FAM107B: variants seen among roughly 807,000 people sequenced by gnomAD.
FAM107B encodes the protein protein FAM107B.
FAM107B carries 21 observed loss-of-function variants against 31.5 expected under a neutral mutation model. The observed-to-expected ratio is 0.67, with a 90% CI of 0.47 to 0.96. The LOEUF is 0.96. Ranked by LOEUF, FAM107B falls within the 40% of genes least tolerant of loss-of-function variation. FAM107B has a pLI of 0.00. For synonymous variants in FAM107B, 157 were observed against 141.5 expected (o/e 1.11, Z -0.78); for missense variants, 452 against 377.1 (o/e 1.20, Z -1.64).
chr10:14,527,184 C>T (rs1196652904), intron 3 of FAM107B, among the ~76,000 whole-genome samples: 1 of 124,384 alleles, frequency 8.0e-6, no homozygotes, highest in South Asian at 2.6e-4. Context: ...ATCTTTTAAC[C>T]AAAAAAAAAA....
chr10:14,602,126 G>C (rs1227900429), intron 2 of FAM107B, among the ~76,000 whole-genome samples: 1 of 152,144 alleles, frequency 6.6e-6, no homozygotes, highest in Non-Finnish European at 1.5e-5. Context: ...GACTCCTGAA[G>C]GAATGCCGAT....
At chr10:14,595,485 G>A (rs993566543) in intron 2 of FAM107B, among the ~76,000 whole-genome samples, 1 of 140,684 alleles carries the variant, frequency 7.1e-6, no homozygotes, top group African/African-American at 2.7e-5. Flanking sequence ...GAGTACAGTG[G>A]TTCGAGCTCA....
At chr10:14,762,048 T>G (rs1315859202) in intron 1 of FAM107B, among the ~76,000 whole-genome samples, 2 of 152,140 alleles carry the variant, frequency 1.3e-5, no homozygotes, top group Admixed American at 1.3e-4. Context: ...ACACTCTGAG[T>G]ATCTCTACCC....
chr10:14,643,207 G>A (rs934077851), intron 2 of FAM107B, among the ~76,000 whole-genome samples: 23 of 151,992 alleles, frequency 1.5e-4, no homozygotes, highest in African/African-American at 5.3e-4. Context: ...TTAGTGAGCT[G>A]GAGACTCAGT....
intron 2 of FAM107B, among the ~76,000 whole-genome samples, chr10:14,648,274 G>A (rs577129133): frequency 2.0e-5 from 3 of 152,138 alleles, no homozygotes; most frequent in Non-Finnish European, 2.9e-5. Flanking sequence ...TGCTGGGGTC[G>A]AACTGACCAG....
chr10:14,621,298 A>T (rs913803148), intron 2 of FAM107B, among the ~76,000 whole-genome samples: 2 of 151,338 alleles, frequency 1.3e-5, no homozygotes, highest in African/African-American at 2.4e-5. Flanking sequence ...TATTATGTAG[A>T]CTCCTTTCTT....
chr10:14,700,414 G>A (rs967364444), intron 1 of FAM107B, among the ~76,000 whole-genome samples: 21 of 152,278 alleles, frequency 1.4e-4, no homozygotes, highest in Admixed American at 1.1e-3. Flanking sequence ...CCAGGAAATC[G>A]TTGTCACCAT....
At chr10:14,629,504 T>A (rs532792513) in intron 2 of FAM107B, among the ~76,000 whole-genome samples, 1,330 of 116,480 alleles carry the variant, frequency 0.011, 68 homozygotes, top group Non-Finnish European at 0.019. Context: ...ATATATATAT[T>A]TAATATATAT....
chr10:14,687,748 T>C (rs994700191), intron 1 of FAM107B, among the ~76,000 whole-genome samples: 1 of 152,222 alleles, frequency 6.6e-6, no homozygotes, highest in Non-Finnish European at 1.5e-5. Flanking sequence ...CCAATTCTTA[T>C]TCCTGGCTAG....
At chr10:14,564,113 CA>C (rs1333518701) in intron 2 of FAM107B, among the ~76,000 whole-genome samples, 2 of 151,278 alleles carry the variant, frequency 1.3e-5, no homozygotes, top group East Asian at 3.9e-4. Flanking sequence ...TAGATATAAC[CA>C]AAAAAAAGTT....
chr10:14,648,356 G>A (rs1853814803), intron 2 of FAM107B, among the ~76,000 whole-genome samples: 1 of 152,234 alleles, frequency 6.6e-6, no homozygotes, highest in Non-Finnish European at 1.5e-5. Flanking sequence ...GAAACAAAAA[G>A]CCCGGAGAAG....
At chr10:14,642,808 C>T (rs1242813993) in intron 2 of FAM107B, among the ~76,000 whole-genome samples, 2 of 152,230 alleles carry the variant, frequency 1.3e-5, no homozygotes, top group South Asian at 2.1e-4. Flanking sequence ...GTCACTCACA[C>T]ATTCTGCCTT....
At position 14,763,511 on chromosome 10, in the gene FAM107B, AC is replaced by A. The variant is rs199794999; in HGVS notation, c.411+10741del. ...CTTCATGGTTTTGAAGGGTGAAAATACCTCAGGCCTATTTGCAACATCACTG... is the reference window on the plus strand; with the variant it reads ...CTTCATGGTTTTGAAGGGTGAAAATACTCAGGCCTATTTGCAACATCACTG... On this transcript the variant is annotated intron_variant, in intron 1 of 4. Coordinates refer to ENST00000181796, the MANE Select transcript of FAM107B (RefSeq NM_031453.4). 9.3e-3 allele frequency among the ~76,000 whole-genome samples: 1,410 copies of A among 152,236 alleles called. 10 individuals are homozygous for A. The highest frequency in any genetic ancestry group is 0.015 in the Non-Finnish European group (1,006 of 67,996).
rs1437824275 is a variant in FAM107B, at chr10:14,774,614, C to G, written c.50G>C (p.Arg17Thr). Residue 17 changes from arginine (R) to threonine (T), a missense_variant, in exon 1 of 5, where the codon AGA becomes ACA. Physicochemically the swap from Arg to Thr is moderately conservative, Grantham distance 71. Transcript: ENST00000181796. ...TGAGCACGGAAATGGATGCATGCTT[C>G]TAGAGGGAGACTTCAGTCTTTTGGT... ...RLTKRLKSPS[R>T]SMHPFPCSAL... 8 of 1,614,146 alleles carry G rather than the reference C, an allele frequency of 5.0e-6. No homozygotes were observed. Among genetic ancestry groups the G allele is most frequent in the Non-Finnish European group, 5.9e-6 (7 of 1,180,022 alleles).
At chr10:14,591,890 G>A (rs1038655954) in intron 2 of FAM107B, among the ~76,000 whole-genome samples, 5 of 151,948 alleles carry the variant, frequency 3.3e-5, no homozygotes, top group African/African-American at 1.2e-4. Flanking sequence ...TCCAGAATGT[G>A]GAACATTCTA....
At chr10:14,762,801 C>CACAA (rs1554757454) in intron 1 of FAM107B, among the ~76,000 whole-genome samples, 25 of 141,234 alleles carry the variant, frequency 1.8e-4, no homozygotes, top group African/African-American at 5.5e-4. Flanking sequence ...CACACACACA[C>CACAA]AAAAAGAACA....
In FAM107B at chr10:14,723,624, G is replaced by C. The variant is rs1236004528; in HGVS notation, c.411+50629C>G. ...GGGAATCTGTGTGACACAGAGCAAT[G>C]ATGGGAAGGTTAACATAGGATTACT... On this transcript the variant is annotated intron_variant, in intron 1 of 4. Transcript: ENST00000181796. 3.1e-5 allele frequency: 22 copies of C among 707,208 alleles called. No individual in the cohort carries two copies. The East Asian group carries it at 5.5e-4, about 18-fold the overall frequency. The allele number at this position is 707,208 out of a possible 1,614,324, so 43.8% of individuals were successfully genotyped here.
intron 1 of FAM107B, among the ~76,000 whole-genome samples, chr10:14,686,951 G>T (rs1260708001): frequency 1.3e-5 from 2 of 152,202 alleles, no homozygotes; most frequent in African/African-American, 4.8e-5. Flanking sequence ...GAATATAATT[G>T]TGCAAGCTTA....
intron 2 of FAM107B, among the ~76,000 whole-genome samples, chr10:14,642,157 A>C (rs1052797982): frequency 1.6e-4 from 25 of 152,250 alleles, no homozygotes; most frequent in African/African-American, 6.0e-4. Flanking sequence ...AAACCTAGCA[A>C]GGCAAATCCT....
Sources: allele counts gnomAD v4.1 joint callset (sites outside exome capture counted in the v4.1 genomes callset), GRCh38; gene constraint gnomAD v4.1.1; transcripts MANE v1.5; gene names NCBI Gene and HGNC (gene_info 2026-07-23, HGNC 2026-07-21).